Variants in GBE1 observed in about 807,000 individuals in gnomAD.
GBE1 encodes the protein 1,4-alpha-glucan branching enzyme 1.
In GBE1, 70 loss-of-function variants were observed where a neutral mutation model predicts 88.8. The observed-to-expected ratio is 0.79, with a 90% CI of 0.65 to 0.96. GBE1 has a LOEUF of 0.96. Among genes scored for constraint, GBE1 ranks in the 40% least tolerant of loss-of-function variants. GBE1 has a pLI of 0.00. For synonymous variants in GBE1, 284 were observed against 300.1 expected, an observed-to-expected ratio of 0.95 and a Z score of 0.56; for missense variants, 872 against 871.0, an observed-to-expected ratio of 1.00 and a Z score of -0.01.
intron 14 of GBE1, among the ~76,000 whole-genome samples, chr3:81,526,283 TA>T (rs1702943618): frequency 6.6e-6 from 1 of 152,058 alleles, no homozygotes; most frequent in African/African-American, 2.4e-5. Context: ...GGGCAAAAAC[TA>T]GAAGCATTCC....
chr3:81,678,624 A>C (rs1307043359), intron 2 of GBE1, among the ~76,000 whole-genome samples: 4 of 152,146 alleles, frequency 2.6e-5, no homozygotes, highest in Non-Finnish European at 4.4e-5. Context: ...ATGATTTCCA[A>C]AAGCACAAAA....
At chr3:81,516,823 G>A (rs1480934707) in intron 14 of GBE1, among the ~76,000 whole-genome samples, 2 of 151,510 alleles carry the variant, frequency 1.3e-5, no homozygotes, top group Non-Finnish European at 3.0e-5. Flanking sequence ...CAGATGCAGT[G>A]GAAATTGAAA....
intron 15 of GBE1, among the ~76,000 whole-genome samples, chr3:81,492,175 A>C (rs1702445650): frequency 1.3e-5 from 2 of 152,224 alleles, no homozygotes; most frequent in Admixed American, 6.5e-5. Context: ...GTAGTCACTA[A>C]GTGTGAGAAA....
At chr3:81,621,016 C>A (rs1035765705) in intron 7 of GBE1, among the ~76,000 whole-genome samples, 1 of 152,276 alleles carries the variant, frequency 6.6e-6, no homozygotes, top group African/African-American at 2.4e-5. Context: ...AAGGACCTCA[C>A]GGAGGCGGGC....
intron 14 of GBE1, among the ~76,000 whole-genome samples, chr3:81,505,477 G>T (rs901077509): frequency 1.0e-3 from 157 of 152,136 alleles, no homozygotes; most frequent in African/African-American, 3.6e-3. Context: ...TACATGGATT[G>T]AATTTTATTT....
chr3:81,659,414 C>A (rs1405432176), intron 3 of GBE1, among the ~76,000 whole-genome samples: 3 of 151,496 alleles, frequency 2.0e-5, no homozygotes, highest in African/African-American at 7.3e-5. Flanking sequence ...CGCCTCACTG[C>A]AACCTCCACC....
chr3:81,693,535 A>G, intron 2 of GBE1, among the ~76,000 whole-genome samples: 1 of 152,196 alleles, frequency 6.6e-6, no homozygotes, highest in Non-Finnish European at 1.5e-5. Flanking sequence ...CTCCGCTAGA[A>G]GAGAAGGTTA....
intron 3 of GBE1, among the ~76,000 whole-genome samples, chr3:81,667,026 ATTG>A (rs368438319): frequency 1.1e-4 from 16 of 152,310 alleles, no homozygotes; most frequent in African/African-American, 3.1e-4. Flanking sequence ...GTACCTTCTG[ATTG>A]TTATTTGAAA....
intron 7 of GBE1, among the ~76,000 whole-genome samples, chr3:81,625,481 C>T (rs1455348236): frequency 2.6e-5 from 4 of 152,030 alleles, no homozygotes; most frequent in Admixed American, 6.6e-5. Flanking sequence ...CTCTGTTGCC[C>T]AGGCTGGAGT....
chr3:81,715,564 C>T (rs775402792), intron 1 of GBE1, among the ~76,000 whole-genome samples: 5 of 152,144 alleles, frequency 3.3e-5, no homozygotes, highest in African/African-American at 7.2e-5. Context: ...TGAGTTGTTT[C>T]ATATATGGAA....
chr3:81,723,205 C>A (rs1447635651), intron 1 of GBE1, among the ~76,000 whole-genome samples: 1 of 151,392 alleles, frequency 6.6e-6, no homozygotes, highest in Non-Finnish European at 1.5e-5. Context: ...CAAATGTCAA[C>A]CCCACCCTAT....
intron 2 of GBE1, among the ~76,000 whole-genome samples, chr3:81,692,906 G>A (rs549778679): frequency 5.3e-5 from 8 of 152,294 alleles, no homozygotes; most frequent in African/African-American, 1.2e-4. Flanking sequence ...TGCATTGAAT[G>A]ACAATCTTCC....
intron 15 of GBE1, among the ~76,000 whole-genome samples, chr3:81,492,649 CTTTT>C (rs1168943839): frequency 4.0e-5 from 6 of 151,210 alleles, no homozygotes; most frequent in South Asian, 2.1e-4. Context: ...TCCTTTCTTT[CTTTT>C]TCTTTCTTCC....
intron 7 of GBE1, among the ~76,000 whole-genome samples, chr3:81,636,547 T>G (rs1199828397): frequency 7.2e-5 from 11 of 151,852 alleles, no homozygotes; most frequent in Admixed American, 2.0e-4. Context: ...TTTTTTTTTT[T>G]GAAATGGAAT....
In GBE1 at chr3:81,575,158, C is replaced by T. The variant is rs186893378; in HGVS notation, c.1618+2767G>A. ...CCAGCCTGGGCGACAGGGCGAGACT[C>T]CATCTCAAAAAAAAAAAAAAAAGTA... On this transcript the variant is annotated intron_variant, in intron 12 of 15. Transcript: ENST00000429644. Among the ~76,000 whole-genome samples, 401 of 148,610 alleles carry T rather than the reference C, an allele frequency of 2.7e-3. 2 individuals carry two copies. The highest frequency in any genetic ancestry group is 5.7e-3 in the South Asian group (27 of 4,716).
chr3:81,553,697 A>G (rs1378186023), intron 12 of GBE1, among the ~76,000 whole-genome samples: 2 of 151,410 alleles, frequency 1.3e-5, no homozygotes, highest in African/African-American at 4.8e-5. Flanking sequence ...AGAAAAAAAA[A>G]AAAACAGACA....
At chr3:81,725,049 G>GT (rs574688574) in intron 1 of GBE1, among the ~76,000 whole-genome samples, 10 of 152,068 alleles carry the variant, frequency 6.6e-5, no homozygotes, top group Non-Finnish European at 1.5e-4. Flanking sequence ...CATATAATTA[G>GT]TATGTACACT....
At chr3:81,677,341 GC>G (rs1705275498) in intron 2 of GBE1, among the ~76,000 whole-genome samples, 1 of 152,134 alleles carries the variant, frequency 6.6e-6, no homozygotes, top group South Asian at 2.1e-4. Context: ...GTCAGTACTA[GC>G]CCATATGGCA....
intron 10 of GBE1, among the ~76,000 whole-genome samples, chr3:81,582,852 C>A (rs1364920320): frequency 6.6e-6 from 1 of 151,708 alleles, no homozygotes; most frequent in Non-Finnish European, 1.5e-5. Context: ...AAAGAGAGAC[C>A]TATACAAGGG....
Sources: gnomAD v4.1 joint callset for allele counts (sites outside exome capture counted in the v4.1 genomes callset) on GRCh38, gnomAD v4.1.1 for gene constraint, MANE v1.5 for transcripts, NCBI Gene and HGNC (gene_info 2026-07-23, HGNC 2026-07-21) for gene names.